Variants in EXOC6B observed in about 807,000 individuals in gnomAD.
EXOC6B encodes SEC15 homolog B.
In EXOC6B, 54 loss-of-function variants were observed where a neutral mutation model predicts 113.5. The observed-to-expected ratio is 0.48, with a 90% CI of 0.38 to 0.60. The LOEUF is 0.60. Among genes scored for constraint, EXOC6B ranks in the 20% least tolerant of loss-of-function variants. EXOC6B has a pLI of 0.00. For synonymous variants in EXOC6B, 357 were observed against 339.0 expected, an observed-to-expected ratio of 1.05 and a Z score of -0.58; for missense variants, 797 against 977.5, an observed-to-expected ratio of 0.82 and a Z score of 2.46.
chr2:72,787,466 C>G lies in EXOC6B; in HGVS notation c.113+38332G>C, dbSNP rs537033436. Among the ~76,000 whole-genome samples the G allele has an allele frequency of 9.2e-5, 14 of 152,112 alleles. 1 individual carries two copies. The South Asian group carries it at 2.9e-3, about 32-fold the overall frequency. ...CCGCCTGCCTTAGCCTCCCAAAGTG[C>G]TGGGATTACAGGTGTGAGCCACAGT... On this transcript the variant is annotated intron_variant, in intron 1 of 21. Coordinates refer to ENST00000272427, the MANE Select transcript of EXOC6B (RefSeq NM_015189.3).
chr2:72,576,405 G>A (rs892107562), intron 6 of EXOC6B, among the ~76,000 whole-genome samples: 1 of 151,884 alleles, frequency 6.6e-6, no homozygotes, highest in Non-Finnish European at 1.5e-5. Context: ...GTAGAAAGTG[G>A]GACTATCCAG....
chr2:72,819,520 C>T (rs141065994), intron 1 of EXOC6B, among the ~76,000 whole-genome samples: 34 of 152,136 alleles, frequency 2.2e-4, no homozygotes, highest in African/African-American at 6.5e-4. Context: ...TGCTCCACCC[C>T]AAAATAACCC....
At chr2:72,214,800 C>T (rs1680414190) in intron 20 of EXOC6B, among the ~76,000 whole-genome samples, 1 of 152,138 alleles carries the variant, frequency 6.6e-6, no homozygotes, top group African/African-American at 2.4e-5. Context: ...AAGCTGAGAA[C>T]TCAGGGGAAG....
Position 72,825,989 on chromosome 2 carries a change from A to G in EXOC6B, c.-79T>C, listed in dbSNP as rs569235685. 1.8e-4 allele frequency: 277 copies of G among 1,545,098 alleles called. 3 individuals are homozygous for G. In the South Asian group the frequency reaches 3.1e-3, roughly 17 times the overall value. ...CCTGCCCCACAATGCCGCTCCCACC[A>G]CAGGCTCCACAGCCGCCCCAGCCTC... On this transcript the variant is annotated 5_prime_UTR_variant, in exon 1 of 22. Coordinates refer to ENST00000272427, the MANE Select transcript of EXOC6B (RefSeq NM_015189.3). The surrounding 1 kb of genome is among the most constrained non-coding windows in gnomAD (Gnocchi z 4.4).
chr2:72,452,298 C>T (rs1696966108), intron 18 of EXOC6B, among the ~76,000 whole-genome samples: 1 of 152,164 alleles, frequency 6.6e-6, no homozygotes, highest in Admixed American at 6.5e-5. Flanking sequence ...ATTCCAATCT[C>T]ATCATAACAT....
intron 1 of EXOC6B, among the ~76,000 whole-genome samples, chr2:72,820,152 C>T (rs1355349005): frequency 6.6e-6 from 1 of 152,014 alleles, no homozygotes; most frequent in African/African-American, 2.4e-5. Flanking sequence ...GAAAATATCC[C>T]CCTCAATTTG....
At chr2:72,488,631 G>A (rs947143062) in intron 16 of EXOC6B, among the ~76,000 whole-genome samples, 22 of 152,220 alleles carry the variant, frequency 1.4e-4, no homozygotes, top group Non-Finnish European at 3.1e-4. Context: ...AAATCCTGGA[G>A]TTAGTTACTT....
intron 6 of EXOC6B, among the ~76,000 whole-genome samples, chr2:72,642,168 C>T (rs1372168061): frequency 2.0e-5 from 3 of 151,906 alleles, no homozygotes; most frequent in Admixed American, 6.6e-5. Flanking sequence ...GAATCAATAT[C>T]GTGAAAATGG....
chr2:72,722,576 A>T (rs1314758566), intron 5 of EXOC6B, among the ~76,000 whole-genome samples: 1 of 152,232 alleles, frequency 6.6e-6, no homozygotes, highest in East Asian at 1.9e-4. Context: ...AAATAAAAGT[A>T]CAAATATAGT....
intron 18 of EXOC6B, among the ~76,000 whole-genome samples, chr2:72,386,117 C>T (rs1158604511): frequency 6.6e-6 from 1 of 151,592 alleles, no homozygotes; most frequent in Non-Finnish European, 1.5e-5. Flanking sequence ...ACCTATTGTC[C>T]ATCAATGGAT....
intron 7 of EXOC6B, among the ~76,000 whole-genome samples, chr2:72,561,339 A>T (rs980505484): frequency 2.0e-5 from 3 of 152,162 alleles, no homozygotes; most frequent in Non-Finnish European, 4.4e-5. Flanking sequence ...ATAGGAAATG[A>T]CACGTTTTTC....
intron 1 of EXOC6B, among the ~76,000 whole-genome samples, chr2:72,752,310 G>C (rs1398292558): frequency 6.6e-6 from 1 of 151,960 alleles, no homozygotes; most frequent in African/African-American, 2.4e-5. Flanking sequence ...GAAATAGATA[G>C]GTCATCTCAA....
At chr2:72,515,345 A>T in intron 8 of EXOC6B, 1 of 1,000,230 alleles carries the variant, frequency 1.0e-6, no homozygotes, top group Non-Finnish European at 1.4e-6. Flanking sequence ...AAATATCCTT[A>T]CAAGGAACCT....
At chr2:72,300,130 C>CT (rs1392810454) in intron 20 of EXOC6B, among the ~76,000 whole-genome samples, 1 of 152,190 alleles carries the variant, frequency 6.6e-6, no homozygotes, top group Non-Finnish European at 1.5e-5. Context: ...ACAGGCGCCC[C>CT]TTCTCCCAGG....
At position 72,176,167 on chromosome 2, in the gene EXOC6B, T is replaced by A. The variant is rs532466816; in HGVS notation, c.*3168A>T. 3.9e-5 allele frequency: 6 copies of A among 152,186 alleles called. No individual in the cohort carries two copies. The East Asian group carries it at 1.2e-3, about 29-fold the overall frequency. 9.4% of individuals were successfully genotyped at this position (152,186 alleles called of 1,614,324 possible). The stretch of plus-strand genomic sequence containing the variant: ...GTTCCCTTTAGAGTTAAAAATGGAC[T>A]TTCCTAATTTTCTCTATATATGTGC... On this transcript the variant is annotated 3_prime_UTR_variant, in exon 22 of 22. Transcript: ENST00000272427.
intron 20 of EXOC6B, among the ~76,000 whole-genome samples, chr2:72,283,528 TAG>T (rs1685254754): frequency 6.6e-6 from 1 of 152,118 alleles, no homozygotes; most frequent in African/African-American, 2.4e-5. Flanking sequence ...TGGACAAGTC[TAG>T]AGTTAAAAGT....
intron 6 of EXOC6B, among the ~76,000 whole-genome samples, chr2:72,601,366 G>T (rs1296299784): frequency 6.6e-6 from 1 of 151,942 alleles, no homozygotes; most frequent in Non-Finnish European, 1.5e-5. Context: ...TGTACTTTTA[G>T]TAGAGACGGG....
chr2:72,179,593 C>T, intron 21 of EXOC6B, 132 bp from the exon 22 acceptor site: 2 of 1,034,546 alleles, frequency 1.9e-6, no homozygotes, highest in Non-Finnish European at 2.9e-6. Context: ...AATATCTCCA[C>T]TGTCAGGCCC....
intron 19 of EXOC6B, among the ~76,000 whole-genome samples, chr2:72,376,516 A>G (rs1305361572): frequency 1.3e-5 from 2 of 152,132 alleles, no homozygotes; most frequent in African/African-American, 4.8e-5. Context: ...TTTATTTAGC[A>G]ATCTGATAAC....
Sources: allele counts gnomAD v4.1 joint callset (sites outside exome capture counted in the v4.1 genomes callset), GRCh38; gene constraint gnomAD v4.1.1; non-coding constraint Gnocchi (gnomAD v3.1); transcripts MANE v1.5; gene names NCBI Gene and HGNC (gene_info 2026-07-23, HGNC 2026-07-21).